The following MRPS6 variants were observed in gnomAD, a reference collection of about 807,000 sequenced individuals.
MRPS6 encodes small ribosomal subunit protein bS6m.
Under a neutral mutation model 13.1 loss-of-function variants are expected in MRPS6, and 6 were observed. The observed-to-expected ratio is 0.46, with a 90% CI of 0.25 to 0.91. The LOEUF is 0.91. Among genes scored for constraint, MRPS6 ranks in the 40% least tolerant of loss-of-function variants. The probability of loss-of-function intolerance (pLI) is 0.18; values close to 1 mark genes in which losing one functional copy is unlikely to be tolerated. For missense variants in MRPS6, 164 were observed against 155.6 expected, an observed-to-expected ratio of 1.05 and a Z score of -0.29; for synonymous variants, 61 against 56.5, an observed-to-expected ratio of 1.08 and a Z score of -0.36.
At chr21:34,093,996 A>G (rs1305314534) in intron 1 of MRPS6, among the ~76,000 whole-genome samples, 1 of 152,184 alleles carries the variant, frequency 6.6e-6, no homozygotes, top group Admixed American at 6.5e-5. Flanking sequence ...CCCTTCAACA[A>G]AAAGCATTAA....
chr21:34,132,758 G>T (rs975186620), intron 2 of MRPS6, among the ~76,000 whole-genome samples: 2 of 152,138 alleles, frequency 1.3e-5, no homozygotes, highest in African/African-American at 4.8e-5. Context: ...TTTAGGCTGC[G>T]TTGTCTTTAT....
chr21:34,091,266 C>T (rs75260521), intron 1 of MRPS6, among the ~76,000 whole-genome samples: 3 of 146 alleles, frequency 0.021, no homozygotes, highest in African/African-American at 0.071. Context: ...TTGCAGGCCC[C>T]GCCCTGTGTC....
chr21:34,135,002 G>A (rs570515973), intron 2 of MRPS6, among the ~76,000 whole-genome samples: 1 of 152,246 alleles, frequency 6.6e-6, no homozygotes, highest in South Asian at 2.1e-4. Flanking sequence ...GTAAGTTGAG[G>A]AACATCTTTT....
intron 2 of MRPS6, among the ~76,000 whole-genome samples, chr21:34,138,412 C>T (rs1242456867): frequency 1.3e-5 from 2 of 151,960 alleles, no homozygotes; most frequent in Non-Finnish European, 2.9e-5. Context: ...AGTCTTTAAT[C>T]CATCTTGAAT....
intron 1 of MRPS6, chr21:34,103,998 T>C (rs760815064): frequency 6.7e-5 from 67 of 1,000,084 alleles, no homozygotes; most frequent in Non-Finnish European, 7.2e-5. Flanking sequence ...TCTTAAATCT[T>C]TTAGGAAATA....
Position 34,073,763 on chromosome 21 carries a change from A to G in MRPS6, c.45+18A>G. 1.3e-6 allele frequency: 2 copies of G among 1,487,886 alleles called. No individual in the cohort carries two copies. The highest frequency in any genetic ancestry group is 9.0e-7 in the Non-Finnish European group (1 of 1,110,408). 92.2% of individuals were successfully genotyped at this position (1,487,886 alleles called of 1,614,324 possible). A position where few individuals can be genotyped will look rare whatever the true frequency, so the allele number is the denominator to read the frequency against. On this transcript the variant is annotated intron_variant, in intron 1 of 2. Transcript: ENST00000399312. ...TGCAGCGGGTAAGTGACCTTCCCTC[A>G]GAGCCGGTCTTCCCGCGCGGGCGCC... is the stretch of plus-strand genomic sequence containing the variant.
At position 34,073,618 on chromosome 21, in the gene MRPS6, G is replaced by T; in HGVS notation, c.-83G>T. On this transcript the variant is annotated 5_prime_UTR_variant, in exon 1 of 3. In the 5' UTR this introduces an upstream ATG that the reference lacks. Coordinates refer to ENST00000399312, the MANE Select transcript of MRPS6 (RefSeq NM_032476.4). Reference sequence around the variant, plus strand: ...GAGCCGTCCGGCGCAGCAGTTTCTAGGTCCCCACTGTCCCCGCCGTCCCGC... The same window carrying T: ...GAGCCGTCCGGCGCAGCAGTTTCTATGTCCCCACTGTCCCCGCCGTCCCGC... 3.2e-6 allele frequency: 4 copies of T among 1,250,518 alleles called. No homozygotes were observed. In the South Asian group the frequency reaches 3.9e-5, roughly 12 times the overall value. The allele number at this position is 1,250,518 out of a possible 1,614,324, so 77.5% of individuals were successfully genotyped here.
chr21:34,131,667 CCTGA>C (rs1312342654), intron 2 of MRPS6, among the ~76,000 whole-genome samples: 7 of 152,192 alleles, frequency 4.6e-5, no homozygotes, highest in Admixed American at 6.5e-5. Context: ...TGTTTCTAGG[CCTGA>C]CTTTCTTCAT....
chr21:34,109,669 A>G (rs1979620239), intron 1 of MRPS6, among the ~76,000 whole-genome samples: 1 of 151,586 alleles, frequency 6.6e-6, no homozygotes, highest in Non-Finnish European at 1.5e-5. Flanking sequence ...GTGTCACTTC[A>G]CCCCCACTTC....
chr21:34,079,140 A>G (rs573045880), intron 1 of MRPS6, among the ~76,000 whole-genome samples: 321 of 152,308 alleles, frequency 2.1e-3, no homozygotes, highest in African/African-American at 7.6e-3. Flanking sequence ...CCTGTCACCT[A>G]TATTTTTGTG....
intron 1 of MRPS6, chr21:34,101,422 T>A: frequency 1.0e-6 from 1 of 1,000,210 alleles, no homozygotes. Flanking sequence ...CTTCAGTATT[T>A]GTAAGATTTT....
chr21:34,111,425 C>T (rs528903413), intron 1 of MRPS6, among the ~76,000 whole-genome samples: 1 of 152,284 alleles, frequency 6.6e-6, no homozygotes, highest in East Asian at 1.9e-4. Flanking sequence ...GGCTTTTACT[C>T]CCAAGTTCTA....
chr21:34,140,466 A>T (rs576138918), intron 2 of MRPS6, among the ~76,000 whole-genome samples: 5 of 152,302 alleles, frequency 3.3e-5, no homozygotes, highest in African/African-American at 9.6e-5. Context: ...CCTTTATGTT[A>T]TATGGCCCAG....
chr21:34,092,123 A>ATC (rs1475331614), intron 1 of MRPS6, among the ~76,000 whole-genome samples: 1 of 33,414 alleles, frequency 3.0e-5, no homozygotes, highest in Non-Finnish European at 2.0e-4. Context: ...AAGGAAGAAA[A>ATC]ACATATATAT....
intron 1 of MRPS6, chr21:34,102,195 A>G (rs935527979): frequency 2.0e-6 from 2 of 999,806 alleles, no homozygotes; most frequent in Non-Finnish European, 2.4e-6. Flanking sequence ...GACTCCTAGG[A>G]GAGAATTTAG....
chr21:34,121,020 C>G (rs1357710625), intron 1 of MRPS6, among the ~76,000 whole-genome samples: 2 of 140,830 alleles, frequency 1.4e-5, no homozygotes, highest in East Asian at 1.9e-4. Context: ...TTTCTAGCAC[C>G]TGTTCGATGA....
chr21:34,095,146 T>A, intron 1 of MRPS6: 1 of 1,521,040 alleles, frequency 6.6e-7, no homozygotes, highest in Non-Finnish European at 8.8e-7. Context: ...TAAAAATAAA[T>A]AAAAAGTTGG....
At chr21:34,074,029 G>A (rs1314960825) in intron 1 of MRPS6, among the ~76,000 whole-genome samples, 2 of 145,846 alleles carry the variant, frequency 1.4e-5, no homozygotes, top group Non-Finnish European at 3.0e-5. Context: ...GGGGCGGACC[G>A]AGCGGGCCCC....
chr21:34,119,633 T>C (rs1421980590), intron 1 of MRPS6, among the ~76,000 whole-genome samples: 1 of 152,142 alleles, frequency 6.6e-6, no homozygotes, highest in African/African-American at 2.4e-5. Context: ...GTGGATTCTA[T>C]GTGTGCTTTA....
Sources: gnomAD v4.1 joint callset for allele counts (sites outside exome capture counted in the v4.1 genomes callset) on GRCh38, gnomAD v4.1.1 for gene constraint, MANE v1.5 for transcripts, NCBI Gene and HGNC (gene_info 2026-07-23, HGNC 2026-07-21) for gene names.